Variants in LRPPRC observed in about 807,000 individuals in gnomAD.
LRPPRC encodes the protein leucine rich pentatricopeptide repeat containing, also known as leucine-rich PPR motif-containing protein, mitochondrial.
LRPPRC carries 120 observed loss-of-function variants against 180.3 expected under a neutral mutation model. That is an observed-to-expected ratio of 0.67 (90% CI 0.57 to 0.77). The LOEUF (loss-of-function observed/expected upper bound fraction) is 0.77. LRPPRC is among the 30% of genes least tolerant of loss of function. The pLI is 0.00. For synonymous variants in LRPPRC, 723 were observed against 600.0 expected, an observed-to-expected ratio of 1.21 and a Z score of -3.00; for missense variants, 2,012 against 1,657.2, an observed-to-expected ratio of 1.21 and a Z score of -3.72.
intron 32 of LRPPRC, among the ~76,000 whole-genome samples, chr2:43,900,581 T>C (rs1288870605): frequency 5.3e-5 from 8 of 152,162 alleles, no homozygotes; most frequent in Non-Finnish European, 7.4e-5. Flanking sequence ...AGGGAAGTTC[T>C]ATCTGGCGAA....
rs544271763 is a variant in LRPPRC at position 43,963,336 on chromosome 2, C to T, written c.1488+252G>A. ...GCGCATGCCTGTAATCCCAGCTACT[C>T]GGGAGGCTGAGGCAGAAGAATTGCT... On this transcript the variant is annotated intron_variant, in intron 12 of 37. Coordinates refer to ENST00000260665, the MANE Select transcript of LRPPRC (RefSeq NM_133259.4). Among the ~76,000 whole-genome samples the T allele has an allele frequency of 1.8e-4, 28 of 152,144 alleles. No individual in the cohort carries two copies. The South Asian group carries it at 5.8e-3, about 32-fold the overall frequency.
chr2:43,967,685 C>A (rs1352825115), intron 11 of LRPPRC, among the ~76,000 whole-genome samples: 1 of 152,122 alleles, frequency 6.6e-6, no homozygotes, highest in Non-Finnish European at 1.5e-5. Context: ...CAGAGCGAGA[C>A]TCGGTCTCAA....
intron 25 of LRPPRC, among the ~76,000 whole-genome samples, chr2:43,929,926 C>G (rs954175208): frequency 7.3e-5 from 11 of 150,302 alleles, no homozygotes; most frequent in Non-Finnish European, 1.5e-5. Flanking sequence ...CTGACATATC[C>G]TGAAATTTTG....
intron 1 of LRPPRC, among the ~76,000 whole-genome samples, chr2:43,982,836 T>C (rs1004254662): frequency 1.3e-5 from 2 of 152,120 alleles, no homozygotes; most frequent in African/African-American, 4.8e-5. Flanking sequence ...AGATCTAAAA[T>C]ATATCCAAAA....
chr2:43,924,050 G>C (rs532202398), intron 27 of LRPPRC, among the ~76,000 whole-genome samples: 2 of 152,240 alleles, frequency 1.3e-5, no homozygotes, highest in Admixed American at 6.5e-5. Flanking sequence ...CCAAAAACTG[G>C]AATGTAAAAT....
Position 43,889,601 on chromosome 2 carries a change from C to G in LRPPRC, c.4128+133G>C, listed in dbSNP as rs1039979071. 3 of 795,278 alleles carry G rather than the reference C, an allele frequency of 3.8e-6. No homozygotes were observed. In the African/African-American group the frequency reaches 5.1e-5, roughly 14 times the overall value. The allele number at this position is 795,278 out of a possible 1,614,324, so 49.3% of individuals were successfully genotyped here. ...AAGGCATGCTGCTCAGTCCCTCAAG[C>G]CATCCCCTGAGGGCTCTTCACAGAG... On this transcript the variant is annotated intron_variant, in intron 37 of 37. Coordinates refer to ENST00000260665, the MANE Select transcript of LRPPRC (RefSeq NM_133259.4).
intron 29 of LRPPRC, among the ~76,000 whole-genome samples, chr2:43,916,872 G>C (rs184110468): frequency 1.0e-4 from 15 of 148,218 alleles, no homozygotes; most frequent in Admixed American, 8.3e-4. Flanking sequence ...TTAAGCCCAC[G>C]AGGCGGGGGC....
intron 23 of LRPPRC, among the ~76,000 whole-genome samples, chr2:43,940,213 G>T (rs1384239805): frequency 3.7e-4 from 56 of 152,304 alleles, no homozygotes; most frequent in Non-Finnish European, 1.2e-4. Flanking sequence ...TGGAGTAAAA[G>T]AGCCAAACCT....
chr2:43,934,373 C>T (rs918105462), intron 24 of LRPPRC, 77 bp from the exon 25 acceptor site: 8 of 695,532 alleles, frequency 1.2e-5, no homozygotes, highest in Admixed American at 8.2e-5. Context: ...AAGTTCCAGA[C>T]AAATACAAGA....
intron 14 of LRPPRC, among the ~76,000 whole-genome samples, chr2:43,955,545 C>T (rs1673076552): frequency 6.6e-6 from 1 of 151,508 alleles, no homozygotes; most frequent in South Asian, 2.1e-4. Context: ...ACAGAATAAC[C>T]TGGGCAACAT....
At chr2:43,919,319 T>C (rs895412695) in intron 27 of LRPPRC, among the ~76,000 whole-genome samples, 1 of 152,208 alleles carries the variant, frequency 6.6e-6, no homozygotes, top group Non-Finnish European at 1.5e-5. Flanking sequence ...GGTTGGGGGC[T>C]GCTGCCGTAT....
intron 23 of LRPPRC, among the ~76,000 whole-genome samples, chr2:43,942,600 A>T (rs1032584592): frequency 6.6e-6 from 1 of 152,162 alleles, no homozygotes. Context: ...GGTTTTTATT[A>T]TACATTTAAA....
At chr2:43,889,505 T>G (rs1670403783) in intron 37 of LRPPRC, among the ~76,000 whole-genome samples, 1 of 152,038 alleles carries the variant, frequency 6.6e-6, no homozygotes, top group Admixed American at 6.6e-5. Context: ...TGCCTATAGC[T>G]GAAGGTCTGA....
At chr2:43,889,910 T>A in intron 36 of LRPPRC, 34 bp from the exon 37 acceptor site, 1 of 1,519,728 alleles carries the variant, frequency 6.6e-7, no homozygotes. Flanking sequence ...TAATCAGAGA[T>A]AAAGACAACC....
intron 35 of LRPPRC, among the ~76,000 whole-genome samples, chr2:43,895,847 G>C (rs1670660069): frequency 6.6e-6 from 1 of 152,088 alleles, no homozygotes; most frequent in Non-Finnish European, 1.5e-5. Context: ...TCCGATCTAA[G>C]AGAAATTTAA....
At chr2:43,983,374 T>C (rs958742853) in intron 1 of LRPPRC, among the ~76,000 whole-genome samples, 2 of 152,150 alleles carry the variant, frequency 1.3e-5, no homozygotes, top group East Asian at 1.9e-4. Context: ...TTTAGGTTTA[T>C]AGAAAAATCG....
chr2:43,936,064 C>T (rs961906239), intron 23 of LRPPRC, among the ~76,000 whole-genome samples: 2 of 149,716 alleles, frequency 1.3e-5, no homozygotes, highest in African/African-American at 4.9e-5. Context: ...GCCTGGGCAA[C>T]AAAAGTGAAA....
chr2:43,996,125 C>T (rs1478419919), upstream of LRPPRC: 2 of 559,488 alleles, frequency 3.6e-6, no homozygotes, highest in Non-Finnish European at 6.2e-6. Flanking sequence ...ACAGAAGACC[C>T]AATGTAATAT....
intron 1 of LRPPRC, among the ~76,000 whole-genome samples, chr2:43,986,271 A>G (rs1674522612): frequency 6.6e-6 from 1 of 152,168 alleles, no homozygotes; most frequent in Non-Finnish European, 1.5e-5. Flanking sequence ...CTGGGATTAC[A>G]GGCACACACC....
Sources: allele counts gnomAD v4.1 joint callset (sites outside exome capture counted in the v4.1 genomes callset), GRCh38; gene constraint gnomAD v4.1.1; transcripts MANE v1.5; gene names NCBI Gene and HGNC (gene_info 2026-07-23, HGNC 2026-07-21).